FAM184B: variants seen among roughly 807,000 people sequenced by gnomAD.
FAM184B encodes the protein protein FAM184B.
FAM184B carries 111 observed loss-of-function variants against 135.9 expected under a neutral mutation model. That is an observed-to-expected ratio of 0.82 (90% CI 0.70 to 0.96). FAM184B has a LOEUF of 0.96. Among genes scored for constraint, FAM184B ranks in the 40% least tolerant of loss-of-function variants. The probability of loss-of-function intolerance (pLI) is 0.00; values close to 1 mark genes in which losing one functional copy is unlikely to be tolerated. For synonymous variants in FAM184B, 552 were observed against 524.8 expected, an observed-to-expected ratio of 1.05 and a Z score of -0.71; for missense variants, 1,375 against 1,323.9, an observed-to-expected ratio of 1.04 and a Z score of -0.60.
intron 1 of FAM184B, among the ~76,000 whole-genome samples, chr4:17,735,753 A>T (rs943972766): frequency 1.3e-5 from 2 of 152,210 alleles, no homozygotes; most frequent in Non-Finnish European, 2.9e-5. Context: ...CCACAAGTGC[A>T]AGGAACGCCA....
intron 1 of FAM184B, among the ~76,000 whole-genome samples, chr4:17,742,690 C>A (rs982410432): frequency 6.6e-6 from 1 of 152,184 alleles, no homozygotes; most frequent in Non-Finnish European, 1.5e-5. Context: ...TCAGACAGTG[C>A]GGCTTCAGGG....
chr4:17,762,387 G>A (rs77394079), intron 1 of FAM184B, among the ~76,000 whole-genome samples: 4,323 of 152,214 alleles, frequency 0.028, 175 homozygotes, highest in African/African-American at 0.089. Context: ...AACAGTGGTC[G>A]AGCTGATCTA....
chr4:17,687,854 C>T (rs975597437), intron 7 of FAM184B, among the ~76,000 whole-genome samples: 5 of 152,158 alleles, frequency 3.3e-5, no homozygotes, highest in African/African-American at 1.2e-4. Context: ...CCTCCAGAAC[C>T]GTGAGAGAGT....
rs937801104 is a variant in FAM184B, at chr4:17,698,821, T to C, written c.1378-5409A>G. 2.6e-5 allele frequency among the ~76,000 whole-genome samples: 4 copies of C among 152,282 alleles called. No homozygotes were observed. The South Asian group carries it at 8.3e-4, about 32-fold the overall frequency. On this transcript the variant is annotated intron_variant, in intron 5 of 17. Coordinates refer to ENST00000265018, the MANE Select transcript of FAM184B (RefSeq NM_015688.2). ...CTGGTTCACAAGTAATTTAACTGCC[T>C]GTCAAAACAAAATTCAGCAAAGAGG...
chr4:17,726,231 C>T (rs546187049), intron 1 of FAM184B, among the ~76,000 whole-genome samples: 35 of 152,068 alleles, frequency 2.3e-4, no homozygotes, highest in African/African-American at 8.4e-4. Flanking sequence ...GCCCACTAAT[C>T]AAAACTCTTC....
intron 6 of FAM184B, among the ~76,000 whole-genome samples, chr4:17,692,008 G>A (rs1270965627): frequency 5.3e-5 from 8 of 150,896 alleles, no homozygotes; most frequent in Admixed American, 2.6e-4. Context: ...AGCTGAGATT[G>A]CGCCACTGCA....
chr4:17,720,213 T>A (rs1455329901), intron 1 of FAM184B, among the ~76,000 whole-genome samples: 1 of 152,220 alleles, frequency 6.6e-6, no homozygotes, highest in Non-Finnish European at 1.5e-5. Context: ...GTCATACTCA[T>A]GTATTCTGTT....
intron 12 of FAM184B, among the ~76,000 whole-genome samples, chr4:17,645,433 ACTATCTGAT>A (rs1216480412): frequency 6.6e-6 from 1 of 152,230 alleles, no homozygotes; most frequent in Non-Finnish European, 1.5e-5. Context: ...CATATCTGCA[ACTATCTGAT>A]CTTTGACAAA....
chr4:17,763,567 G>A (rs1718593418), intron 1 of FAM184B, among the ~76,000 whole-genome samples: 1 of 74,376 alleles, frequency 1.3e-5, no homozygotes, highest in African/African-American at 4.4e-5. Context: ...ACACACTTTG[G>A]CAGCGTGAAG....
chr4:17,732,556 C>T (rs564754538), intron 1 of FAM184B, among the ~76,000 whole-genome samples: 2 of 152,292 alleles, frequency 1.3e-5, no homozygotes, highest in East Asian at 3.9e-4. Context: ...ATACTATAAA[C>T]ACCTCTACAC....
intron 7 of FAM184B, 145 bp downstream of exon 7, chr4:17,688,279 T>TA (rs1491313498): frequency 2.3e-3 from 1 of 430 alleles, no homozygotes; most frequent in Non-Finnish European, 0.036. Flanking sequence ...TTTGTGGTGA[T>TA]TTTTTTTTTT....
In FAM184B at chr4:17,705,754, G is replaced by C. The variant is rs1316133817; in HGVS notation, c.1168C>G (p.Gln390Glu). 7.7e-6 allele frequency: 12 copies of C among 1,551,746 alleles called. No homozygotes were observed. The highest frequency in any genetic ancestry group is 1.0e-5 in the Non-Finnish European group (12 of 1,146,994). Reference sequence around the variant, plus strand: ...CCCAGGGCTGGGTCAGACACTACCTGCATATCTGTGCCTCCTTTCATGCAA... The same window carrying C: ...CCCAGGGCTGGGTCAGACACTACCTCCATATCTGTGCCTCCTTTCATGCAA... ...CPCMKGGTDM[Q>E]TKKEASAETE... is the part of the protein sequence containing the mutation. The change falls in exon 4 of 18, where the codon CAG becomes GAG. Residue 390 changes from glutamine to glutamate, a missense_variant and splice_region_variant. Coordinates refer to ENST00000265018, the MANE Select transcript of FAM184B (RefSeq NM_015688.2).
chr4:17,669,983 C>A (rs1444645669), intron 7 of FAM184B, among the ~76,000 whole-genome samples: 1 of 152,144 alleles, frequency 6.6e-6, no homozygotes, highest in African/African-American at 2.4e-5. Context: ...TCTATAGGAA[C>A]TATTTAAAAT....
chr4:17,650,745 T>G (rs2108936328), intron 11 of FAM184B, among the ~76,000 whole-genome samples: 1 of 152,270 alleles, frequency 6.6e-6, no homozygotes, highest in Non-Finnish European at 1.5e-5. Flanking sequence ...TCTACGAAAC[T>G]CTTTCCTTCC....
intron 1 of FAM184B, among the ~76,000 whole-genome samples, chr4:17,726,766 C>T (rs1560186906): frequency 6.6e-6 from 1 of 152,126 alleles, no homozygotes; most frequent in Non-Finnish European, 1.5e-5. Context: ...ACAAAGTAGC[C>T]ACAGGCAGCT....
intron 12 of FAM184B, among the ~76,000 whole-genome samples, chr4:17,644,808 A>G (rs1302614067): frequency 1.3e-5 from 2 of 152,224 alleles, no homozygotes; most frequent in Middle Eastern, 3.2e-3. Flanking sequence ...CTGTTTGCAG[A>G]CGACATGATT....
At chr4:17,777,803 A>T (rs1273361468) in intron 1 of FAM184B, among the ~76,000 whole-genome samples, 1 of 152,246 alleles carries the variant, frequency 6.6e-6, no homozygotes, top group Admixed American at 6.5e-5. Context: ...AAAATCAGTA[A>T]TAATTTTCCA....
In FAM184B at chr4:17,688,464, T is replaced by A; in HGVS notation, c.1556A>T (p.Gln519Leu). ...GCTGCAGTGCTGGCGGCCTAATTCCTGGGGACTTTCCTCAGCTCCTGTGGG... is the reference window on the plus strand; with the variant it reads ...GCTGCAGTGCTGGCGGCCTAATTCCAGGGGACTTTCCTCAGCTCCTGTGGG... ...TRPTGAEESP[Q>L]ELGRQHCSIL... The change falls in exon 7 of 18, where the codon CAG (glutamine) becomes CTG (leucine). Residue 519 changes from glutamine to leucine, a missense_variant. Gln to Leu is a moderately radical substitution (Grantham distance 113, BLOSUM62 -2). Transcript: ENST00000265018. The A allele has an allele frequency of 6.4e-7, 1 of 1,551,310 alleles. No individual in the cohort carries two copies. The highest frequency in any genetic ancestry group is 1.4e-5 in the African/African-American group (1 of 73,104).
At chr4:17,764,538 A>T (rs1718615569) in intron 1 of FAM184B, among the ~76,000 whole-genome samples, 2 of 152,154 alleles carry the variant, frequency 1.3e-5, no homozygotes, top group Admixed American at 1.3e-4. Context: ...ACTAGCACCC[A>T]CTGTTTCCTG....
Sources: allele counts gnomAD v4.1 joint callset (sites outside exome capture counted in the v4.1 genomes callset), GRCh38; gene constraint gnomAD v4.1.1; transcripts MANE v1.5; gene names NCBI Gene and HGNC (gene_info 2026-07-23, HGNC 2026-07-21).